VAV1: variants seen among roughly 807,000 people sequenced by gnomAD.
The protein encoded by VAV1 is proto-oncogene vav.
A neutral mutation model predicts 128.1 loss-of-function variants in VAV1; 33 were observed. That is an observed-to-expected ratio of 0.26 (90% CI 0.20 to 0.34). The LOEUF (loss-of-function observed/expected upper bound fraction) is 0.34, where lower values mean the gene tolerates loss of function less well. VAV1 is among the 10% of genes least tolerant of loss of function. The pLI, the probability that VAV1 is intolerant of heterozygous loss-of-function variation, is 1.00. For synonymous variants in VAV1, 394 were observed against 409.8 expected (o/e 0.96, Z 0.47); for missense variants, 715 against 1,093.7 (o/e 0.65, Z 4.88).
At chr19:6,791,547 G>C (rs1212133118) in intron 1 of VAV1, among the ~76,000 whole-genome samples, 4 of 152,128 alleles carry the variant, frequency 2.6e-5, no homozygotes, top group Non-Finnish European at 5.9e-5. Flanking sequence ...TCATCTCAAG[G>C]TCCCTGAGAC....
In VAV1 at chr19:6,813,864, T is replaced by C. The variant is rs113553723; in HGVS notation, c.205-6838T>C. ...AGGCCAGGAGTTGAAGACCAGCCTG[T>C]GTGACATAGTGACATCCTGTCTCTA... On this transcript the variant is annotated intron_variant, in intron 1 of 26. Transcript: ENST00000602142. 7.2e-4 allele frequency among the ~76,000 whole-genome samples: 110 copies of C among 152,122 alleles called. 1 individual carries two copies. Among genetic ancestry groups the C allele is most frequent in the African/African-American group, 2.6e-3 (106 of 41,514 alleles).
intron 25 of VAV1, 37 bp downstream of exon 25, chr19:6,853,116 C>G: frequency 6.3e-7 from 1 of 1,593,296 alleles, no homozygotes; most frequent in Non-Finnish European, 8.6e-7. Flanking sequence ...CAGCCTCAGC[C>G]CCTTCCCATT....
intron 26 of VAV1, among the ~76,000 whole-genome samples, chr19:6,856,333 T>C (rs981438620): frequency 6.6e-6 from 1 of 151,674 alleles, no homozygotes. Context: ...GAGCTCACAT[T>C]GCAGTTGCAG....
intron 21 of VAV1, among the ~76,000 whole-genome samples, chr19:6,838,097 GTCTATCTATCTA>G (rs151241479): frequency 2.2e-4 from 32 of 146,650 alleles, no homozygotes; most frequent in East Asian, 6.0e-4. Context: ...CTGTCTGTCT[GTCTATCTATCTA>G]TCTATCTATC....
intron 1 of VAV1, among the ~76,000 whole-genome samples, chr19:6,786,000 T>C (rs1402258000): frequency 6.6e-6 from 1 of 152,104 alleles, no homozygotes; most frequent in Admixed American, 6.6e-5. Flanking sequence ...TTTCTAGATA[T>C]AAAATCATAG....
Position 6,806,416 on chromosome 19 carries a change from T to A in VAV1, c.205-14286T>A, listed in dbSNP as rs540007286. Among the ~76,000 whole-genome samples, 3 of 152,292 alleles carry A rather than the reference T, an allele frequency of 2.0e-5. No homozygotes were observed. The South Asian group carries it at 6.2e-4, about 32-fold the overall frequency. On this transcript the variant is annotated intron_variant, in intron 1 of 26. Coordinates refer to ENST00000602142, the MANE Select transcript of VAV1 (RefSeq NM_005428.4). ...TTTTTTTAATGAAAATAATTTTTTCTCAATGCCGTTTTGGAAGAGAAGCAA... is the reference window on the plus strand; with the variant it reads ...TTTTTTTAATGAAAATAATTTTTTCACAATGCCGTTTTGGAAGAGAAGCAA...
intron 1 of VAV1, among the ~76,000 whole-genome samples, chr19:6,802,934 C>CT: frequency 6.6e-6 from 1 of 152,198 alleles, no homozygotes; most frequent in African/African-American, 2.4e-5. Context: ...CTCTATTTAC[C>CT]CAAAGGAGTT....
intron 1 of VAV1, among the ~76,000 whole-genome samples, chr19:6,779,912 C>T (rs999203495): frequency 6.7e-6 from 1 of 149,288 alleles, no homozygotes; most frequent in South Asian, 2.2e-4. Context: ...GAGATCGAGA[C>T]CATCCTGGCT....
intron 22 of VAV1, among the ~76,000 whole-genome samples, chr19:6,847,699 C>G (rs1972558049): frequency 6.6e-6 from 1 of 152,124 alleles, no homozygotes; most frequent in Admixed American, 6.6e-5. Flanking sequence ...TCAGGAAATG[C>G]CTGGTGAAGC....
At chr19:6,779,695 T>C (rs1176441243) in intron 1 of VAV1, among the ~76,000 whole-genome samples, 1 of 148,328 alleles carries the variant, frequency 6.7e-6, no homozygotes, top group Non-Finnish European at 1.5e-5. Context: ...ACCTCGTCTC[T>C]ATAAAAATGA....
At chr19:6,800,792 T>TTGTGTGTGTGTG (rs34312529) in intron 1 of VAV1, among the ~76,000 whole-genome samples, 5 of 147,612 alleles carry the variant, frequency 3.4e-5, no homozygotes, top group African/African-American at 1.2e-4. Context: ...TGGCAAATTT[T>TTGTGTGTGTGTG]TGTGTGTGTG....
chr19:6,842,673 A>T lies in VAV1; in HGVS notation c.1981-462A>T, dbSNP rs543805311. Among the ~76,000 whole-genome samples, 12 of 152,126 alleles carry T rather than the reference A, an allele frequency of 7.9e-5. No homozygotes were observed. The East Asian group carries it at 1.7e-3, about 22-fold the overall frequency. ...CCCCCGCCCGATCTTGACAAAATTT[A>T]AAAAAATTAAAAATTAGCGGGTGTG... On this transcript the variant is annotated intron_variant, in intron 21 of 26. Transcript: ENST00000602142.
chr19:6,788,101 A>C (rs916969108), intron 1 of VAV1, among the ~76,000 whole-genome samples: 2 of 151,902 alleles, frequency 1.3e-5, no homozygotes, highest in Non-Finnish European at 2.9e-5. Flanking sequence ...AAACAAAAAA[A>C]CATTAAAACA....
Position 6,820,666 on chromosome 19 carries a change from G to T in VAV1, c.205-36G>T, listed in dbSNP as rs201530612. The T allele has an allele frequency of 1.9e-6, 3 of 1,598,208 alleles. No individual in the cohort carries two copies. Among genetic ancestry groups the T allele is most frequent in the Non-Finnish European group, 2.6e-6 (3 of 1,165,890 alleles). On this transcript the variant is annotated intron_variant, in intron 1 of 26. Coordinates refer to ENST00000602142, the MANE Select transcript of VAV1 (RefSeq NM_005428.4). This position sits in a 1 kb window ranked among gnomAD's most constrained non-coding sequence, Gnocchi z 4.4. ...GGGTCAGTTTCTCCCCTGCCCTTTC[G>T]TACTGCCCCACCCTCATTTCTCTGT...
chr19:6,842,952 G>C (rs1191062442), intron 21 of VAV1, among the ~76,000 whole-genome samples, 183 bp from the exon 22 acceptor site: 1 of 152,128 alleles, frequency 6.6e-6, no homozygotes, highest in Non-Finnish European at 1.5e-5. Flanking sequence ...TATGATACTG[G>C]GGCAGTCTCT....
At chr19:6,799,695 G>A (rs1351868711) in intron 1 of VAV1, among the ~76,000 whole-genome samples, 1 of 151,736 alleles carries the variant, frequency 6.6e-6, no homozygotes, top group East Asian at 1.9e-4. Flanking sequence ...GAATCAAGTT[G>A]CTAGCTGGAT....
intron 21 of VAV1, among the ~76,000 whole-genome samples, chr19:6,837,411 C>T (rs191915705): frequency 1.9e-3 from 289 of 152,172 alleles, no homozygotes; most frequent in African/African-American, 6.6e-3. Context: ...GTGTCCTTGC[C>T]CTGCTCCTGG....
chr19:6,841,362 C>T (rs976663496), intron 21 of VAV1, among the ~76,000 whole-genome samples: 2 of 152,054 alleles, frequency 1.3e-5, no homozygotes, highest in African/African-American at 2.4e-5. Flanking sequence ...AATATCATTT[C>T]GAATCCATGC....
In VAV1 at chr19:6,822,987, A is replaced by T. The variant is rs1165649469; in HGVS notation, c.654+473A>T. Among the ~76,000 whole-genome samples, 1 of 147,858 alleles carries T rather than the reference A, an allele frequency of 6.8e-6. No homozygotes were observed. The highest frequency in any genetic ancestry group is 1.5e-5 in the Non-Finnish European group (1 of 67,162). On this transcript the variant is annotated intron_variant, in intron 6 of 26. Coordinates refer to ENST00000602142, the MANE Select transcript of VAV1 (RefSeq NM_005428.4). This position sits in a 1 kb window ranked among gnomAD's most constrained non-coding sequence, Gnocchi z 5.9. ...TATACAATATATAAATATATAAAATATAAAATGTAGATATATTGATATAGG... is the reference window on the plus strand; with the variant it reads ...TATACAATATATAAATATATAAAATTTAAAATGTAGATATATTGATATAGG...
Sources: gnomAD v4.1 joint callset for allele counts (sites outside exome capture counted in the v4.1 genomes callset) on GRCh38, gnomAD v4.1.1 for gene constraint, Gnocchi (gnomAD v3.1) non-coding constraint, MANE v1.5 for transcripts, NCBI Gene and HGNC (gene_info 2026-07-23, HGNC 2026-07-21) for gene names.